CCBE1: variants seen among roughly 807,000 people sequenced by gnomAD.
CCBE1 encodes the protein collagen and calcium-binding EGF domain-containing protein 1.
CCBE1 carries 37 observed loss-of-function variants against 50.0 expected under a neutral mutation model. That is an observed-to-expected ratio of 0.74 (90% CI 0.57 to 0.97). The LOEUF (loss-of-function observed/expected upper bound fraction) is 0.97, where lower values mean the gene tolerates loss of function less well. CCBE1 is among the 50% of genes least tolerant of loss of function. CCBE1 has a pLI of 0.00. For synonymous variants in CCBE1, 234 were observed against 203.7 expected (o/e 1.15, Z -1.27); for missense variants, 538 against 523.8 (o/e 1.03, Z -0.26).
rs995901609 is a variant in CCBE1, at chr18:59,696,773, C to T, written c.132-64G>A. 4 of 1,551,352 alleles carry T rather than the reference C, an allele frequency of 2.6e-6. No homozygotes were observed. The African/African-American group carries it at 5.4e-5, about 21-fold the overall frequency. On this transcript the variant is annotated intron_variant, in intron 1 of 10. Transcript: ENST00000439986. ...GGAGAGCGGAGGCGGGCAGCGCGCG[C>T]TGGGGAATCCCTGGCGCGTGGGGAT...
intron 2 of CCBE1, among the ~76,000 whole-genome samples, chr18:59,551,474 A>G (rs117363836): frequency 1.3e-5 from 2 of 152,350 alleles, no homozygotes; most frequent in East Asian, 3.9e-4. Flanking sequence ...GCTGCACTAA[A>G]TTAAAAAGTA....
At chr18:59,566,786 C>T (rs1305036536) in intron 2 of CCBE1, among the ~76,000 whole-genome samples, 1 of 151,976 alleles carries the variant, frequency 6.6e-6, no homozygotes, top group Non-Finnish European at 1.5e-5. Flanking sequence ...TTTTGTCCAA[C>T]CCCCACCCGC....
rs142424346 is a variant in CCBE1, at chr18:59,489,921, T to C, written c.213-9683A>G. On this transcript the variant is annotated intron_variant, in intron 2 of 10. Coordinates refer to ENST00000439986, the MANE Select transcript of CCBE1 (RefSeq NM_133459.4). ...ATGTAACAAATTAAAAAAGGCTTGATATTACCTTTGTAAAAAATAAAATAT... is the reference window on the plus strand; with the variant it reads ...ATGTAACAAATTAAAAAAGGCTTGACATTACCTTTGTAAAAAATAAAATAT... 3.3e-3 allele frequency among the ~76,000 whole-genome samples: 498 copies of C among 151,714 alleles called. 2 individuals carry two copies. Among genetic ancestry groups the C allele is most frequent in the Non-Finnish European group, 5.5e-3 (377 of 67,940 alleles).
chr18:59,596,667 C>T lies in CCBE1; in HGVS notation c.212+99962G>A, dbSNP rs116708007. Among the ~76,000 whole-genome samples, 373 of 152,312 alleles carry T rather than the reference C, an allele frequency of 2.4e-3. 5 individuals are homozygous for T. Among genetic ancestry groups the T allele is most frequent in the African/African-American group, 8.4e-3 (350 of 41,546 alleles). On this transcript the variant is annotated intron_variant, in intron 2 of 10. Transcript: ENST00000439986. ...TAGCTGAGAAGAGAGCTCATATCCA[C>T]GTCTCTCGTTTTACACAATTGAGAC...
intron 2 of CCBE1, among the ~76,000 whole-genome samples, chr18:59,669,907 A>G (rs1370258390): frequency 6.6e-6 from 1 of 152,186 alleles, no homozygotes; most frequent in Non-Finnish European, 1.5e-5. Context: ...AGTGTGTAGC[A>G]CAGAATAGGC....
At chr18:59,551,568 C>T (rs984690316) in intron 2 of CCBE1, among the ~76,000 whole-genome samples, 1 of 152,202 alleles carries the variant, frequency 6.6e-6, no homozygotes, top group African/African-American at 2.4e-5. Context: ...TACAGGACCC[C>T]CTGTCCTATA....
intron 2 of CCBE1, among the ~76,000 whole-genome samples, chr18:59,612,605 G>A (rs1027604015): frequency 2.0e-5 from 3 of 152,206 alleles, no homozygotes; most frequent in African/African-American, 7.2e-5. Context: ...CTAAGAGCCT[G>A]CAGAAACTGA....
chr18:59,473,417 C>T (rs1336114833), intron 3 of CCBE1, among the ~76,000 whole-genome samples: 2 of 152,102 alleles, frequency 1.3e-5, no homozygotes, highest in African/African-American at 4.8e-5. Context: ...TATGGTACCA[C>T]TTCAATCTTT....
chr18:59,590,670 A>G (rs2053251011), intron 2 of CCBE1, among the ~76,000 whole-genome samples: 2 of 152,222 alleles, frequency 1.3e-5, no homozygotes, highest in Admixed American at 6.5e-5. Flanking sequence ...GAGTAAGAGG[A>G]CAGAGACCAA....
At chr18:59,494,670 T>C (rs916017768) in intron 2 of CCBE1, among the ~76,000 whole-genome samples, 2 of 152,124 alleles carry the variant, frequency 1.3e-5, no homozygotes, top group African/African-American at 4.8e-5. Context: ...TGAATATGAA[T>C]TAAATCAGAA....
Position 59,433,752 on chromosome 18 carries a change from C to A in CCBE1, c.*2156G>T, listed in dbSNP as rs1404597039. The stretch of plus-strand genomic sequence containing the variant: ...CCCGAGCAGCTGGGACCACAGGCGC[C>A]CACCACCACGCCCGACTAATTTTTT... On this transcript the variant is annotated 3_prime_UTR_variant, in exon 11 of 11. Transcript: ENST00000439986. The A allele has an allele frequency of 6.6e-6, 1 of 151,896 alleles. No individual in the cohort carries two copies. The highest frequency in any genetic ancestry group is 1.5e-5 in the Non-Finnish European group (1 of 68,058). 9.4% of individuals were successfully genotyped at this position (151,896 alleles called of 1,614,324 possible). A position where few individuals can be genotyped will look rare whatever the true frequency, so the allele number is the denominator to read the frequency against.
rs8088867 is a variant in CCBE1, at chr18:59,604,169, A to T, written c.212+92460T>A. On this transcript the variant is annotated intron_variant, in intron 2 of 10. Transcript: ENST00000439986. ...TCTAAGGAGGGCCCCTCTTCACCCC[A>T]TAAGAGCTTCGCTGACGGAGGGTCA... Among the ~76,000 whole-genome samples, 1,360 of 152,350 alleles carry T rather than the reference A, an allele frequency of 8.9e-3. 20 individuals carry two copies. Among genetic ancestry groups the T allele is most frequent in the African/African-American group, 0.03 (1,266 of 41,580 alleles).
chr18:59,509,673 C>T (rs1420225785), intron 2 of CCBE1, among the ~76,000 whole-genome samples: 2 of 152,192 alleles, frequency 1.3e-5, no homozygotes, highest in Non-Finnish European at 2.9e-5. Flanking sequence ...AAAAGAAGAA[C>T]TTCAGTGCCC....
chr18:59,584,203 A>T (rs1015175071), intron 2 of CCBE1, among the ~76,000 whole-genome samples: 1 of 152,116 alleles, frequency 6.6e-6, no homozygotes, highest in Non-Finnish European at 1.5e-5. Flanking sequence ...CTTTGTAGGG[A>T]CATGGATGAA....
chr18:59,613,794 AC>A (rs1370401706), intron 2 of CCBE1, among the ~76,000 whole-genome samples: 19 of 149,682 alleles, frequency 1.3e-4, no homozygotes, highest in African/African-American at 3.9e-4. Context: ...TCACAATCCC[AC>A]ACTTGTAACT....
chr18:59,554,107 G>T (rs781001359), intron 2 of CCBE1, among the ~76,000 whole-genome samples: 1 of 152,156 alleles, frequency 6.6e-6, no homozygotes, highest in Non-Finnish European at 1.5e-5. Context: ...GGCTCAAGCC[G>T]TCCTTCTGTG....
chr18:59,481,406 T>C (rs956001032), intron 2 of CCBE1, among the ~76,000 whole-genome samples: 1 of 152,106 alleles, frequency 6.6e-6, no homozygotes, highest in African/African-American at 2.4e-5. Context: ...GAAAAATATA[T>C]TTGAAAAAAC....
At chr18:59,671,339 A>G (rs2054427075) in intron 2 of CCBE1, among the ~76,000 whole-genome samples, 1 of 151,914 alleles carries the variant, frequency 6.6e-6, no homozygotes, top group African/African-American at 2.4e-5. Context: ...CCATCTCTAC[A>G]AAAAAGACAA....
intron 2 of CCBE1, among the ~76,000 whole-genome samples, chr18:59,599,597 G>A (rs955663774): frequency 7.9e-5 from 12 of 151,982 alleles, no homozygotes; most frequent in Non-Finnish European, 4.4e-5. Flanking sequence ...ATCACTTATG[G>A]TACAATGGCT....
Sources: allele counts gnomAD v4.1 joint callset (sites outside exome capture counted in the v4.1 genomes callset), GRCh38; gene constraint gnomAD v4.1.1; transcripts MANE v1.5; gene names NCBI Gene and HGNC (gene_info 2026-07-23, HGNC 2026-07-21).